KCNB2: variants seen among roughly 807,000 people sequenced by gnomAD.
The protein encoded by KCNB2 is potassium voltage-gated channel subfamily B member 2.
In KCNB2, 15 loss-of-function variants were observed where a neutral mutation model predicts 61.5. The observed-to-expected ratio is 0.24, with a 90% CI of 0.16 to 0.38. KCNB2 has a LOEUF of 0.38. Ranked by LOEUF, KCNB2 falls within the 10% of genes least tolerant of loss-of-function variation. The pLI is 1.00. For missense variants in KCNB2, 828 were observed against 1,125.2 expected, an observed-to-expected ratio of 0.74 and a Z score of 3.78; for synonymous variants, 457 against 446.0, an observed-to-expected ratio of 1.02 and a Z score of -0.31.
chr8:72,933,106 A>G (rs1806824369), intron 2 of KCNB2, among the ~76,000 whole-genome samples: 2 of 152,210 alleles, frequency 1.3e-5, no homozygotes, highest in African/African-American at 4.8e-5. Flanking sequence ...TAAGGGCTTG[A>G]ATGATTAGTT....
At chr8:72,884,929 A>G (rs2129005383) in intron 2 of KCNB2, among the ~76,000 whole-genome samples, 1 of 152,308 alleles carries the variant, frequency 6.6e-6, no homozygotes, top group African/African-American at 2.4e-5. Context: ...ATGTGTCATA[A>G]GAATCTCTAT....
intron 2 of KCNB2, among the ~76,000 whole-genome samples, chr8:72,828,246 T>C (rs1809631407): frequency 1.3e-5 from 2 of 152,222 alleles, no homozygotes; most frequent in South Asian, 4.1e-4. Flanking sequence ...TGAGCGCCTA[T>C]GAGAAAATAG....
chr8:72,892,097 C>T lies in KCNB2; in HGVS notation c.580-43838C>T, dbSNP rs73686566. Among the ~76,000 whole-genome samples, 1,313 of 152,228 alleles carry T rather than the reference C, an allele frequency of 8.6e-3. 16 individuals carry two copies. Among genetic ancestry groups the T allele is most frequent in the African/African-American group, 0.03 (1,251 of 41,530 alleles). ...GTTTTGCTCCATTTCATTGTTAATG[C>T]GCACACAAAACAGCAGGAGAGGAAA... On this transcript the variant is annotated intron_variant, in intron 2 of 2. Transcript: ENST00000523207.
chr8:72,575,138 C>A (rs1019858503), intron 2 of KCNB2, among the ~76,000 whole-genome samples: 20 of 152,134 alleles, frequency 1.3e-4, no homozygotes, highest in African/African-American at 4.6e-4. Flanking sequence ...GAACTTCAAT[C>A]TGAAAGTTCA....
chr8:72,677,426 C>T (rs1806674261), intron 2 of KCNB2, among the ~76,000 whole-genome samples: 1 of 152,192 alleles, frequency 6.6e-6, no homozygotes, highest in Admixed American at 6.5e-5. Flanking sequence ...TTCCCATCAG[C>T]ACATAGGCAT....
intron 2 of KCNB2, among the ~76,000 whole-genome samples, chr8:72,713,773 G>A (rs2439341): frequency 0.67 from 101,766 of 152,062 alleles, 34,768 homozygotes; most frequent in African/African-American, 0.79. Context: ...CCAAAGGAAC[G>A]CAGCTCCTCA....
intron 1 of KCNB2, among the ~76,000 whole-genome samples, chr8:72,551,315 G>T (rs1452991763): frequency 6.6e-6 from 1 of 151,962 alleles, no homozygotes; most frequent in Non-Finnish European, 1.5e-5. Context: ...CTTAGGATAA[G>T]GTCCTAAACC....
chr8:72,674,891 A>C (rs1806625817), intron 2 of KCNB2, among the ~76,000 whole-genome samples: 1 of 152,194 alleles, frequency 6.6e-6, no homozygotes, highest in Non-Finnish European at 1.5e-5. Flanking sequence ...GATACCAACT[A>C]TATAGTGATA....
chr8:72,885,681 C>G (rs920114779), intron 2 of KCNB2, among the ~76,000 whole-genome samples: 2 of 152,030 alleles, frequency 1.3e-5, no homozygotes, highest in African/African-American at 4.8e-5. Context: ...ATTACTGTGT[C>G]TACTTCTCCA....
chr8:72,824,581 A>G (rs926873312), intron 2 of KCNB2, among the ~76,000 whole-genome samples: 1 of 152,142 alleles, frequency 6.6e-6, no homozygotes, highest in African/African-American at 2.4e-5. Flanking sequence ...AGGCACACTC[A>G]TGTTCCTCAT....
chr8:72,580,164 C>T (rs13256953), intron 2 of KCNB2, among the ~76,000 whole-genome samples: 74,137 of 152,042 alleles, frequency 0.49, 20,652 homozygotes, highest in Non-Finnish European at 0.62. Flanking sequence ...AAAGCAACCA[C>T]GGGCACTATG....
chr8:72,574,148 A>G (rs1806760854), intron 2 of KCNB2, among the ~76,000 whole-genome samples: 1 of 152,262 alleles, frequency 6.6e-6, no homozygotes, highest in South Asian at 2.1e-4. Context: ...TTAAAATAGA[A>G]AACACCATTG....
chr8:72,887,800 C>G (rs1294681399), intron 2 of KCNB2, among the ~76,000 whole-genome samples: 1 of 152,212 alleles, frequency 6.6e-6, no homozygotes, highest in East Asian at 1.9e-4. Context: ...AACTCCAGCT[C>G]TGAAACCCCC....
intron 2 of KCNB2, among the ~76,000 whole-genome samples, chr8:72,897,345 TC>T (rs1165059815): frequency 6.6e-6 from 1 of 152,162 alleles, no homozygotes; most frequent in Non-Finnish European, 1.5e-5. Context: ...AGATCCTAAC[TC>T]ATCCAGTTTA....
chr8:72,698,328 G>T (rs1477946409), intron 2 of KCNB2, among the ~76,000 whole-genome samples: 3 of 151,934 alleles, frequency 2.0e-5, no homozygotes, highest in Non-Finnish European at 4.4e-5. Flanking sequence ...TCTCTAAAAG[G>T]AGAACTACAA....
At chr8:72,779,785 T>A (rs952495403) in intron 2 of KCNB2, among the ~76,000 whole-genome samples, 1 of 152,186 alleles carries the variant, frequency 6.6e-6, no homozygotes, top group African/African-American at 2.4e-5. Context: ...TGAGGGTAAG[T>A]CAGCTGAATA....
chr8:72,720,286 A>G (rs544462478), intron 2 of KCNB2, among the ~76,000 whole-genome samples: 5 of 152,300 alleles, frequency 3.3e-5, no homozygotes, highest in Non-Finnish European at 7.4e-5. Flanking sequence ...GATAATGGTC[A>G]TGTATAGAAG....
At chr8:72,858,432 A>T (rs1810240794) in intron 2 of KCNB2, among the ~76,000 whole-genome samples, 1 of 152,320 alleles carries the variant, frequency 6.6e-6, no homozygotes, top group East Asian at 1.9e-4. Flanking sequence ...AAAAAAAGAT[A>T]TATGTATGCT....
intron 1 of KCNB2, among the ~76,000 whole-genome samples, chr8:72,558,117 A>G (rs1806457158): frequency 6.6e-6 from 1 of 152,234 alleles, no homozygotes; most frequent in Non-Finnish European, 1.5e-5. Flanking sequence ...CAAAAGATGC[A>G]GATATGGATA....
Sources: allele counts gnomAD v4.1 joint callset (sites outside exome capture counted in the v4.1 genomes callset), GRCh38; gene constraint gnomAD v4.1.1; transcripts MANE v1.5; gene names NCBI Gene and HGNC (gene_info 2026-07-23, HGNC 2026-07-21).